ZNF48: variants seen among roughly 807,000 people sequenced by gnomAD.
ZNF48 encodes the protein zinc finger protein 553.
Under a neutral mutation model 40.0 loss-of-function variants are expected in ZNF48, and 20 were observed. That is an observed-to-expected ratio of 0.50 (90% CI 0.35 to 0.73). ZNF48 has a LOEUF of 0.73. ZNF48 is among the 30% of genes least tolerant of loss of function. The probability of loss-of-function intolerance (pLI) is 0.01; values close to 1 mark genes in which losing one functional copy is unlikely to be tolerated. For missense variants in ZNF48, 726 were observed against 851.9 expected (o/e 0.85, Z 1.84); for synonymous variants, 298 against 329.7 (o/e 0.90, Z 1.04).
chr16:30,394,179 C>A (rs538190082), upstream of ZNF48, among the ~76,000 whole-genome samples: 47 of 152,284 alleles, frequency 3.1e-4, no homozygotes, highest in African/African-American at 1.1e-3. Context: ...GGCCACCAGG[C>A]CCAGCTAAAT....
At chr16:30,379,097 C>G in intron 1 of ZNF48, 1 of 1,614,096 alleles carries the variant, frequency 6.2e-7, no homozygotes, top group African/African-American at 1.3e-5. Flanking sequence ...TAGAGCAGAT[C>G]GTGCGTCACC....
chr16:30,398,477 C>G lies in ZNF48; in HGVS notation c.1227C>G (p.Ser409Arg). 1 of 1,586,272 alleles carries G rather than the reference C, an allele frequency of 6.3e-7. No individual in the cohort carries two copies. The highest frequency in any genetic ancestry group is 1.2e-5 in the South Asian group (1 of 86,864). ...CACCCCCACCTCCTCTGGGCACCAG[C>G]CCCCCGCTGACACCTCGAAGTCCCT... ...PSPPPPPLGT[S>R]PPLTPRSPSH... The change falls in exon 3 of 3, where the codon AGC becomes AGG. Residue 409 changes from serine to arginine, a missense_variant. This residue lies in a region of ZNF48 where 378 missense variants were observed against 449.1 expected (regional missense o/e 0.84). Coordinates refer to ENST00000613509, the MANE Select transcript of ZNF48 (RefSeq NM_001214909.2). The surrounding 1 kb of genome is among the most constrained non-coding windows in gnomAD (Gnocchi z 6.6).
rs375914201 is a variant in ZNF48 at position 30,382,556 on chromosome 16, G to T, written c.-16+4146G>T. ...TCCGCCAGCCATCACTGCACCTGCC[G>T]TCTCTCCCCACTTCCTCTGGTGGGG... On this transcript the variant is annotated intron_variant, in intron 1 of 2. Coordinates refer to the ZNF48 transcript ENST00000528032. The surrounding 1 kb of genome is among the most constrained non-coding windows in gnomAD (Gnocchi z 4.8). 6.3e-7 allele frequency: 1 copy of T among 1,588,876 alleles called. No homozygotes were observed. Among genetic ancestry groups the T allele is most frequent in the African/African-American group, 1.3e-5 (1 of 74,778 alleles).
At chr16:30,379,389 C>T (rs750235408) in intron 1 of ZNF48, 30 of 1,551,834 alleles carry the variant, frequency 1.9e-5, no homozygotes, top group Non-Finnish European at 2.6e-5. Flanking sequence ...ACCCAGAGGC[C>T]CCGGGCTCCC....
chr16:30,395,055 T>C (rs2049968488), upstream of ZNF48: 3 of 253,924 alleles, frequency 1.2e-5, no homozygotes, highest in Non-Finnish European at 2.5e-5. The surrounding 1 kb of genome is among the most constrained non-coding windows in gnomAD (Gnocchi z 5.9). Flanking sequence ...TCCGCCGCCC[T>C]TTGTCTGCCT....
At chr16:30,386,317 G>A (rs951760175) in intron 1 of ZNF48, among the ~76,000 whole-genome samples, 6 of 151,976 alleles carry the variant, frequency 3.9e-5, no homozygotes, top group African/African-American at 1.5e-4. Context: ...ATATTTATCT[G>A]TTTATTGTAC....
chr16:30,399,371 GAATA>G lies in ZNF48; in HGVS notation c.*271_*274del, dbSNP rs1035843685. The G allele has an allele frequency of 1.8e-5, 7 of 380,184 alleles. No homozygotes were observed. Among genetic ancestry groups the G allele is most frequent in the African/African-American group, 1.4e-4 (7 of 48,880 alleles). 23.6% of individuals were successfully genotyped at this position (380,184 alleles called of 1,614,324 possible). ...ACACAGTAGGCATTCAATACTTGTT[GAATA>G]AATAAACTGGCTTTCACCTAAGGAC... On this transcript the variant is annotated 3_prime_UTR_variant, in exon 3 of 3. Transcript: ENST00000613509.
At chr16:30,384,339 C>T (rs1184194479) in intron 1 of ZNF48, among the ~76,000 whole-genome samples, 3 of 151,842 alleles carry the variant, frequency 2.0e-5, no homozygotes, top group Non-Finnish European at 4.4e-5. Flanking sequence ...CCATCCTGGC[C>T]AACATGGTGA....
chr16:30,399,097 G>T lies in ZNF48; in HGVS notation c.1847G>T (p.Gly616Val), dbSNP rs1022504467. ...CCCCTCAAGCAGGAGGCAGCAACAG[G>T]ACTGGAATGACGCGGTCCAGGGAGG... ...ARPLKQEAAT[G>V]LE is the part of the protein sequence containing the mutation. The change falls in exon 3 of 3, where the codon GGA (glycine) becomes GTA (valine). Residue 616 changes from glycine (G) to valine (V), a missense_variant. By Grantham distance (109) the Gly-to-Val change is moderately radical (BLOSUM62 -3). Coordinates refer to ENST00000613509, the MANE Select transcript of ZNF48 (RefSeq NM_001214909.2). 1.3e-6 allele frequency: 2 copies of T among 1,587,150 alleles called. No homozygotes were observed. Among genetic ancestry groups the T allele is most frequent in the Middle Eastern group, 1.7e-4 (1 of 5,958 alleles).
At chr16:30,388,507 C>T (rs571869029) in intron 1 of ZNF48, among the ~76,000 whole-genome samples, 6 of 152,244 alleles carry the variant, frequency 3.9e-5, no homozygotes, top group Non-Finnish European at 7.4e-5. Flanking sequence ...CCACTGCACC[C>T]GGCCCAGGAA....
In ZNF48 at chr16:30,398,159, T is replaced by G. The variant is rs746761537; in HGVS notation, c.909T>G (p.Phe303Leu). ...GTAGTCACTTGGGGCCCAAGCCCTTTGGCTGTGATGTGTGTGGAAAGGAGT... is the reference window on the plus strand; with the variant it reads ...GTAGTCACTTGGGGCCCAAGCCCTTGGGCTGTGATGTGTGTGGAAAGGAGT... ...HQRSHLGPKP[F>L]GCDVCGKEFA... The change falls in exon 3 of 3, where the codon TTT becomes TTG. Residue 303 changes from phenylalanine to leucine, a missense_variant. Transcript: ENST00000613509. The surrounding 1 kb of genome is among the most constrained non-coding windows in gnomAD (Gnocchi z 6.6). The G allele has an allele frequency of 6.2e-7, 1 of 1,614,040 alleles. No homozygotes were observed. The highest frequency in any genetic ancestry group is 8.5e-7 in the Non-Finnish European group (1 of 1,179,944).
chr16:30,392,032 T>C (rs1313026435), upstream of ZNF48, among the ~76,000 whole-genome samples: 1 of 152,028 alleles, frequency 6.6e-6, no homozygotes, highest in Non-Finnish European at 1.5e-5. Context: ...ATTTATTTTA[T>C]TTTTTCCTGA....
In ZNF48 at chr16:30,378,545, G is replaced by C. The variant is rs762404144; in HGVS notation, c.-16+135G>C. On this transcript the variant is annotated intron_variant, in intron 1 of 2. Transcript: ENST00000528032. ...GCTGTGCAGGGCGAGATTGCAGGCG[G>C]TGACCTGGCGAAGCCAGAGGGGGAC... 4 of 1,601,358 alleles carry C rather than the reference G, an allele frequency of 2.5e-6. No individual in the cohort carries two copies. The South Asian group carries it at 4.4e-5, about 18-fold the overall frequency.
chr16:30,396,254 C>G (rs760822712), intron 2 of ZNF48, among the ~76,000 whole-genome samples: 8 of 152,304 alleles, frequency 5.3e-5, no homozygotes, highest in Non-Finnish European at 8.8e-5. Context: ...CCCCAGTCTC[C>G]TAATTAAAAG....
chr16:30,378,768 G>T (rs1303021060), intron 1 of ZNF48: 8 of 1,470,528 alleles, frequency 5.4e-6, no homozygotes. Flanking sequence ...GGCCCAGGAG[G>T]CAGGGCCTGG....
intron 1 of ZNF48, among the ~76,000 whole-genome samples, chr16:30,387,675 C>T (rs1265253575): frequency 6.6e-6 from 1 of 150,830 alleles, no homozygotes; most frequent in African/African-American, 2.4e-5. Context: ...TCTCCTGCCT[C>T]AGCCTCCCGA....
At chr16:30,386,676 G>A (rs958403021) in intron 1 of ZNF48, among the ~76,000 whole-genome samples, 1 of 151,926 alleles carries the variant, frequency 6.6e-6, no homozygotes, top group African/African-American at 2.4e-5. Flanking sequence ...TTGAGATGGA[G>A]TTTCGCCCTT....
At chr16:30,387,424 G>A (rs1294291456) in intron 1 of ZNF48, among the ~76,000 whole-genome samples, 2 of 147,116 alleles carry the variant, frequency 1.4e-5, no homozygotes, top group Admixed American at 6.7e-5. Context: ...GCATGGTGGC[G>A]CATGCCTGTA....
At chr16:30,380,138 G>A in intron 1 of ZNF48, 2 of 884,142 alleles carry the variant, frequency 2.3e-6, no homozygotes, top group East Asian at 6.0e-5. Context: ...CAGAGACAGA[G>A]AGAAAGACAT....
Sources: allele counts gnomAD v4.1 joint callset (sites outside exome capture counted in the v4.1 genomes callset), GRCh38; gene constraint gnomAD v4.1.1; regional missense constraint gnomAD v4.1.1; non-coding constraint Gnocchi (gnomAD v3.1); transcripts MANE v1.5; gene names NCBI Gene and HGNC (gene_info 2026-07-23, HGNC 2026-07-21).